MAML2: variants seen among roughly 807,000 people sequenced by gnomAD.
MAML2 encodes the protein mastermind-like protein 2.
A neutral mutation model predicts 96.1 loss-of-function variants in MAML2; 22 were observed. The ratio of observed to expected loss-of-function variants is 0.23; its 90% confidence interval spans 0.16 to 0.33. The LOEUF (loss-of-function observed/expected upper bound fraction) is 0.33, where lower values mean the gene tolerates loss of function less well. Ranked by LOEUF, MAML2 falls within the 10% of genes least tolerant of loss-of-function variation. The probability of loss-of-function intolerance (pLI) is 1.00; values close to 1 mark genes in which losing one functional copy is unlikely to be tolerated. For missense variants in MAML2, 1,367 were observed against 1,392.4 expected (o/e 0.98, Z 0.29); for synonymous variants, 561 against 521.3 (o/e 1.08, Z -1.04).
At chr11:96,027,249 AT>A (rs1413775731) in intron 2 of MAML2, among the ~76,000 whole-genome samples, 1 of 152,150 alleles carries the variant, frequency 6.6e-6, no homozygotes, top group Non-Finnish European at 1.5e-5. Flanking sequence ...CATTCAGCAA[AT>A]TTTTATAGAG....
At chr11:96,340,667 C>T (rs537850889) in intron 1 of MAML2, among the ~76,000 whole-genome samples, 1 of 152,270 alleles carries the variant, frequency 6.6e-6, no homozygotes, top group African/African-American at 2.4e-5. Context: ...TGCCTGTCTG[C>T]TTAACGAATG....
At chr11:96,294,029 T>C (rs1372839925) in intron 1 of MAML2, among the ~76,000 whole-genome samples, 1 of 152,242 alleles carries the variant, frequency 6.6e-6, no homozygotes, top group Non-Finnish European at 1.5e-5. Context: ...GAAATTATTC[T>C]GGAGAGAGGC....
At chr11:95,991,811 A>AT (rs869126550) in intron 2 of MAML2, 88 bp from the exon 3 acceptor site, 16 of 975,588 alleles carry the variant, frequency 1.6e-5, no homozygotes, top group Non-Finnish European at 2.5e-5. Context: ...GATTCCAAAC[A>AT]TTTTTCATCT....
intron 2 of MAML2, among the ~76,000 whole-genome samples, chr11:96,041,878 G>A (rs1429618896): frequency 1.3e-5 from 2 of 150,944 alleles, no homozygotes; most frequent in African/African-American, 2.4e-5. Flanking sequence ...GGCGCATCTC[G>A]GCTCATAGCA....
intron 1 of MAML2, among the ~76,000 whole-genome samples, chr11:96,337,801 G>A (rs1863938539): frequency 6.6e-6 from 1 of 152,198 alleles, no homozygotes; most frequent in Non-Finnish European, 1.5e-5. Flanking sequence ...ACTAACACTA[G>A]TATTGCATTT....
At chr11:96,045,207 A>G (rs1858877326) in intron 2 of MAML2, among the ~76,000 whole-genome samples, 1 of 152,186 alleles carries the variant, frequency 6.6e-6, no homozygotes, top group Non-Finnish European at 1.5e-5. Context: ...GGTCACCCGT[A>G]CTGAGCAAAG....
At chr11:96,163,953 C>T (rs531504592) in intron 1 of MAML2, among the ~76,000 whole-genome samples, 37 of 148,882 alleles carry the variant, frequency 2.5e-4, no homozygotes, top group Middle Eastern at 3.6e-3. Flanking sequence ...ACCTCTGCCT[C>T]CCGGGTTCAA....
At chr11:96,015,880 G>C (rs1346328810) in intron 2 of MAML2, among the ~76,000 whole-genome samples, 2 of 151,978 alleles carry the variant, frequency 1.3e-5, no homozygotes, top group Non-Finnish European at 2.9e-5. Flanking sequence ...TACTGACAAG[G>C]CTCAGTTAAT....
intron 3 of MAML2, 100 bp downstream of exon 3, chr11:95,991,420 G>T: frequency 1.9e-6 from 2 of 1,068,490 alleles, no homozygotes; most frequent in Non-Finnish European, 2.9e-6. Flanking sequence ...CACCTTTGTT[G>T]CTGTCACGTA....
intron 2 of MAML2, among the ~76,000 whole-genome samples, chr11:96,068,064 T>C (rs933866270): frequency 1.5e-4 from 23 of 152,154 alleles, no homozygotes; most frequent in African/African-American, 5.5e-4. Context: ...CCCACTGACA[T>C]TTCTGGTTCA....
chr11:96,276,565 T>C (rs1330754117), intron 1 of MAML2, among the ~76,000 whole-genome samples: 1 of 152,098 alleles, frequency 6.6e-6, no homozygotes, highest in Admixed American at 6.5e-5. Context: ...CCGACAACCA[T>C]AGTTCCAAGG....
chr11:96,335,562 G>A (rs1051313759), intron 1 of MAML2, among the ~76,000 whole-genome samples: 4 of 152,162 alleles, frequency 2.6e-5, no homozygotes, highest in African/African-American at 9.7e-5. Flanking sequence ...TGTGTAAATA[G>A]CAAGGCATTA....
chr11:96,310,704 G>A (rs1461096262), intron 1 of MAML2, among the ~76,000 whole-genome samples: 2 of 152,124 alleles, frequency 1.3e-5, no homozygotes, highest in Non-Finnish European at 2.9e-5. Context: ...GACTCTTCAC[G>A]CAAGTCAATT....
At chr11:96,195,168 C>T (rs948492320) in intron 1 of MAML2, among the ~76,000 whole-genome samples, 1 of 152,110 alleles carries the variant, frequency 6.6e-6, no homozygotes, top group Non-Finnish European at 1.5e-5. Flanking sequence ...ACAAGTCATC[C>T]TACTGAATAT....
intron 1 of MAML2, among the ~76,000 whole-genome samples, chr11:96,312,877 T>C (rs12808278): frequency 6.6e-6 from 1 of 152,170 alleles, no homozygotes; most frequent in African/African-American, 2.4e-5. Context: ...CAGAAATAAA[T>C]AGCTTAGTTG....
At chr11:96,293,735 C>T (rs1863248013) in intron 1 of MAML2, among the ~76,000 whole-genome samples, 1 of 152,056 alleles carries the variant, frequency 6.6e-6, no homozygotes, top group Non-Finnish European at 1.5e-5. Flanking sequence ...CATGTGGTAG[C>T]CCAATCTGAG....
chr11:96,299,022 G>A (rs1408542428), intron 1 of MAML2, among the ~76,000 whole-genome samples: 7 of 117,462 alleles, frequency 6.0e-5, no homozygotes, highest in African/African-American at 2.4e-4. Context: ...TCCAGCCTGG[G>A]CAACAGAGCG....
chr11:96,041,223 G>A (rs891787789), intron 2 of MAML2, among the ~76,000 whole-genome samples: 6 of 151,942 alleles, frequency 3.9e-5, no homozygotes, highest in Non-Finnish European at 7.4e-5. Flanking sequence ...AGGTGTGGTG[G>A]CTCACACCAG....
chr11:96,216,997 A>G (rs1862059632), intron 1 of MAML2, among the ~76,000 whole-genome samples: 1 of 152,230 alleles, frequency 6.6e-6, no homozygotes, highest in African/African-American at 2.4e-5. Context: ...TCAGAGAATT[A>G]GGAATATGAC....
Sources: allele counts gnomAD v4.1 joint callset (sites outside exome capture counted in the v4.1 genomes callset), GRCh38; gene constraint gnomAD v4.1.1; transcripts MANE v1.5; gene names NCBI Gene and HGNC (gene_info 2026-07-23, HGNC 2026-07-21).